GRIP2: variants seen among roughly 807,000 people sequenced by gnomAD.
The protein encoded by GRIP2 is glutamate receptor-interacting protein 2.
In GRIP2, 58 loss-of-function variants were observed where a neutral mutation model predicts 108.3. The ratio of observed to expected loss-of-function variants is 0.54; its 90% CI spans 0.43 to 0.67. GRIP2 has a LOEUF of 0.67. Ranked by LOEUF, GRIP2 falls within the 30% of genes least tolerant of loss-of-function variation. The pLI, the probability that GRIP2 is intolerant of heterozygous loss-of-function variation, is 0.00. For synonymous variants in GRIP2, 586 were observed against 598.2 expected (o/e 0.98, Z 0.30); for missense variants, 1,278 against 1,430.6 (o/e 0.89, Z 1.72).
rs1379579068 is a variant in GRIP2 at position 14,506,946 on chromosome 3, A to G, written c.2253T>C (p.Ser751=). The part of the protein sequence containing the change: ...PLLPRKSGSL[S]ETSDADEDPA... The stretch of plus-strand genomic sequence containing the variant: ...GGTCCTCATCAGCATCACTGGTCTC[A>G]CTGAGGCTGCCCGACTTGCGGGGTA... The change falls in exon 19 of 24, where the codon AGT becomes AGC. Residue 751 remains serine, a synonymous_variant. Coordinates refer to ENST00000621039, the MANE Select transcript of GRIP2 (RefSeq NM_001080423.4). 6.2e-7 allele frequency: 1 copy of G among 1,605,124 alleles called. No individual in the cohort carries two copies. The highest frequency in any genetic ancestry group is 1.3e-5 in the African/African-American group (1 of 74,758).
intron 20 of GRIP2, among the ~76,000 whole-genome samples, chr3:14,504,507 C>G (rs913943581): frequency 7.2e-5 from 11 of 151,896 alleles, no homozygotes; most frequent in Admixed American, 6.6e-4. Context: ...GAGACGGGTT[C>G]CACCGTGTCA....
At position 14,512,967 on chromosome 3, in the gene GRIP2, T is replaced by C. The variant is rs925387249; in HGVS notation, c.1640-110A>G. The stretch of plus-strand genomic sequence containing the variant: ...CTGGGAGTGACCCCGAAAGTCACAG[T>C]TCTAATCTCATCCCCCTGCTTCCTC... On this transcript the variant is annotated intron_variant, in intron 13 of 23. Coordinates refer to ENST00000621039, the MANE Select transcript of GRIP2 (RefSeq NM_001080423.4). This position sits in a 1 kb window ranked among gnomAD's most constrained non-coding sequence, Gnocchi z 5.1. 45 of 905,298 alleles carry C rather than the reference T, an allele frequency of 5.0e-5. 1 individual carries two copies. In the Admixed American group the frequency reaches 8.3e-4, roughly 17 times the overall value. The allele number at this position is 905,298 out of a possible 1,614,324, so 56.1% of individuals were successfully genotyped here.
chr3:14,598,385 C>T, the GRIP2 span, among the ~76,000 whole-genome samples: 3 of 152,126 alleles, frequency 2.0e-5, no homozygotes, highest in Admixed American at 6.5e-5. Context: ...CACAACCATG[C>T]TCCCTTAACA....
intron 9 of GRIP2, among the ~76,000 whole-genome samples, chr3:14,519,879 T>TC (rs988785159): frequency 3.7e-3 from 1 of 268 alleles, no homozygotes; most frequent in Non-Finnish European, 6.3e-3. Flanking sequence ...TGAAACCAGC[T>TC]TTGGGGCATC....
At chr3:14,599,701 GTGTGTGTGTGTT>G in the GRIP2 span, among the ~76,000 whole-genome samples, 326 of 150,706 alleles carry the variant, frequency 2.2e-3, 1 homozygote, top group African/African-American at 7.2e-3. Flanking sequence ...GTGTGTGTGT[GTGTGTGTGTGTT>G]TGTGTGTGTG....
At chr3:14,595,742 C>T in the GRIP2 span, among the ~76,000 whole-genome samples, 16 of 152,214 alleles carry the variant, frequency 1.1e-4, no homozygotes, top group Admixed American at 8.5e-4. Context: ...GCAGGTTGCC[C>T]CTTGCAGACC....
rs192031241 is a variant in GRIP2, at chr3:14,525,517, C to T, written c.177G>A (p.Leu59=). The T allele has an allele frequency of 8.9e-5, 143 of 1,613,838 alleles. No homozygotes were observed. In the African/African-American group the frequency reaches 1.6e-3, roughly 18 times the overall value. ...CGGTGCCACCTGAGATAGTCAGGCCCAGCGTGCTGCCTTCTTTCTTGATCA... is the reference window on the plus strand; with the variant it reads ...CGGTGCCACCTGAGATAGTCAGGCCTAGCGTGCTGCCTTCTTTCTTGATCA... ...VELIKKEGST[L]GLTISGGTDK... The change falls in exon 3 of 24, where the codon CTG becomes CTA. Residue 59 remains leucine, a synonymous_variant. Transcript: ENST00000621039.
At position 14,507,081 on chromosome 3, in the gene GRIP2, C is replaced by T. The variant is rs1157170098; in HGVS notation, c.2219-101G>A. The T allele has an allele frequency of 1.8e-6, 2 of 1,129,134 alleles. No individual in the cohort carries two copies. Among genetic ancestry groups the T allele is most frequent in the Non-Finnish European group, 2.5e-6 (2 of 793,324 alleles). The allele number at this position is 1,129,134 out of a possible 1,614,324, so 69.9% of individuals were successfully genotyped here. Reference sequence around the variant, plus strand: ...GTCTGGAAACTCACAGGCAGTAAGCCCTTCTGAGCTGACATATGACCATGG... The same window carrying T: ...GTCTGGAAACTCACAGGCAGTAAGCTCTTCTGAGCTGACATATGACCATGG... On this transcript the variant is annotated intron_variant, in intron 18 of 23. Transcript: ENST00000621039. This position sits in a 1 kb window ranked among gnomAD's most constrained non-coding sequence, Gnocchi z 4.6.
At chr3:14,501,399 T>C (rs562403493) in intron 21 of GRIP2, among the ~76,000 whole-genome samples, 93 of 152,314 alleles carry the variant, frequency 6.1e-4, no homozygotes, top group Middle Eastern at 3.4e-3. Context: ...ATTAGTATCA[T>C]GTAAAAGGCA....
the GRIP2 span, among the ~76,000 whole-genome samples, chr3:14,593,791 C>A: frequency 1.3e-5 from 2 of 152,274 alleles, no homozygotes; most frequent in East Asian, 3.9e-4. Flanking sequence ...ATCTCTGGTA[C>A]CCTCCCACTA....
chr3:14,562,777 C>G, the GRIP2 span, among the ~76,000 whole-genome samples: 245 of 152,098 alleles, frequency 1.6e-3, 1 homozygote, highest in African/African-American at 5.4e-3. Context: ...GTCTCAGCAT[C>G]GCCCAGAGTG....
At position 14,522,490 on chromosome 3, in the gene GRIP2, AATCTCCCACTGGG is replaced by A. The variant is rs1694439684; in HGVS notation, c.566+497_566+509del. The A allele has an allele frequency of 6.4e-6, 1 of 155,274 alleles. No homozygotes were observed. The allele number at this position is 155,274 out of a possible 1,614,324, so 9.6% of individuals were successfully genotyped here. A position where few individuals can be genotyped will look rare whatever the true frequency, so the allele number is the denominator to read the frequency against. On this transcript the variant is annotated intron_variant, in intron 6 of 23. Transcript: ENST00000621039. The surrounding 1 kb of genome is among the most constrained non-coding windows in gnomAD (Gnocchi z 4.3). ...CCAGGCTTCTCTTAAAATGGCCAGG[AATCTCCCACTGGG>A]GAGGCCGAGGGATCAGGGGCTGGGA...
chr3:14,538,425 G>A (rs1462956134), intron 1 of GRIP2, among the ~76,000 whole-genome samples: 1 of 152,202 alleles, frequency 6.6e-6, no homozygotes, highest in African/African-American at 2.4e-5. Context: ...TTGACCTTAA[G>A]TTTGAAGGTG....
chr3:14,556,724 C>T (rs1266740803), upstream of GRIP2, among the ~76,000 whole-genome samples: 1 of 152,218 alleles, frequency 6.6e-6, no homozygotes, highest in Non-Finnish European at 1.5e-5. Context: ...TGTGAGTGCT[C>T]AGAAAACGCA....
the GRIP2 span, among the ~76,000 whole-genome samples, chr3:14,599,446 C>T: frequency 6.6e-6 from 1 of 152,062 alleles, no homozygotes; most frequent in African/African-American, 2.4e-5. Context: ...AATTTGCTGC[C>T]GCCCTCAACT....
At chr3:14,564,617 C>T in the GRIP2 span, among the ~76,000 whole-genome samples, 63 of 152,220 alleles carry the variant, frequency 4.1e-4, no homozygotes, top group Non-Finnish European at 8.1e-4. Flanking sequence ...GGGCTCCGTG[C>T]GTGGGACCTG....
chr3:14,520,082 G>C, intron 9 of GRIP2, 28 bp downstream of exon 9: 1 of 1,558,824 alleles, frequency 6.4e-7, no homozygotes, highest in Non-Finnish European at 8.7e-7. Flanking sequence ...CCCAGGTTTG[G>C]GCCCTGAGAT....
upstream of GRIP2, among the ~76,000 whole-genome samples, chr3:14,546,594 T>C (rs145350092): frequency 1.8e-3 from 275 of 152,138 alleles, no homozygotes; most frequent in Non-Finnish European, 3.3e-3. Context: ...TCAGAAAGCA[T>C]GGAGTCAGGA....
intron 1 of GRIP2, among the ~76,000 whole-genome samples, chr3:14,550,528 G>A (rs1332417556): frequency 6.6e-6 from 1 of 152,232 alleles, no homozygotes; most frequent in African/African-American, 2.4e-5. Context: ...CACCGCTGGT[G>A]CCTCAGAGGG....
Sources: gnomAD v4.1 joint callset for allele counts (sites outside exome capture counted in the v4.1 genomes callset) on GRCh38, gnomAD v4.1.1 for gene constraint, Gnocchi (gnomAD v3.1) non-coding constraint, MANE v1.5 for transcripts, NCBI Gene and HGNC (gene_info 2026-07-23, HGNC 2026-07-21) for gene names.